The following RAB38 variants were observed in gnomAD, a reference collection of about 807,000 sequenced individuals.
RAB38 encodes the protein ras-related protein Rab-38.
Under a neutral mutation model 18.4 loss-of-function variants are expected in RAB38, and 15 were observed. The observed-to-expected ratio is 0.82, with a 90% CI of 0.55 to 1.26. The LOEUF is 1.26. Among genes scored for constraint, RAB38 ranks in the 50% most tolerant of loss-of-function variants. The pLI is 0.00. For synonymous variants in RAB38, 101 were observed against 104.4 expected, an observed-to-expected ratio of 0.97 and a Z score of 0.20; for missense variants, 294 against 267.4, an observed-to-expected ratio of 1.10 and a Z score of -0.69.
chr11:88,029,723 C>T, the RAB38 span, among the ~76,000 whole-genome samples: 5 of 152,070 alleles, frequency 3.3e-5, no homozygotes, highest in African/African-American at 9.7e-5. Context: ...CACCCAGATT[C>T]ATAAAGCAAG....
the RAB38 span, among the ~76,000 whole-genome samples, chr11:88,067,596 G>A: frequency 4.7e-4 from 72 of 152,242 alleles, no homozygotes; most frequent in African/African-American, 1.7e-3. Context: ...TATCAGTGAT[G>A]TTATTTTTTC....
the RAB38 span, among the ~76,000 whole-genome samples, chr11:88,025,791 GTT>G: frequency 6.6e-6 from 1 of 152,044 alleles, no homozygotes; most frequent in Admixed American, 6.6e-5. Context: ...CAGATGCATA[GTT>G]TACTAATATT....
intron 1 of RAB38, among the ~76,000 whole-genome samples, chr11:88,153,765 A>G (rs953498182): frequency 2.0e-5 from 3 of 152,204 alleles, no homozygotes; most frequent in Non-Finnish European, 2.9e-5. Flanking sequence ...TGTATTTTTA[A>G]GCCATCTCTA....
the RAB38 span, among the ~76,000 whole-genome samples, chr11:88,099,106 C>A: frequency 1.3e-5 from 2 of 151,826 alleles, no homozygotes; most frequent in Non-Finnish European, 2.9e-5. Flanking sequence ...TTAATCATTT[C>A]TGTTTGTTTT....
At chr11:88,029,240 T>G in the RAB38 span, among the ~76,000 whole-genome samples, 11 of 151,988 alleles carry the variant, frequency 7.2e-5, no homozygotes, top group African/African-American at 1.4e-4. Context: ...TGCTAAACAT[T>G]GAAAGGAACA....
the RAB38 span, among the ~76,000 whole-genome samples, chr11:87,856,502 T>A: frequency 1.1e-4 from 17 of 152,302 alleles, 1 homozygote; most frequent in Middle Eastern, 0.01. Flanking sequence ...CAACCCTACT[T>A]ATCTCAATAC....
chr11:88,145,019 A>C (rs560891115), intron 2 of RAB38, among the ~76,000 whole-genome samples: 2 of 152,324 alleles, frequency 1.3e-5, no homozygotes, highest in South Asian at 4.1e-4. Flanking sequence ...TGTTGTGTGC[A>C]TCACGGCTAG....
At chr11:87,965,251 T>C in the RAB38 span, among the ~76,000 whole-genome samples, 1 of 151,590 alleles carries the variant, frequency 6.6e-6, no homozygotes, top group Non-Finnish European at 1.5e-5. Context: ...ATTAGTCAAT[T>C]TCAAGATCTC....
At chr11:88,159,518 A>T (rs1296914413) in intron 1 of RAB38, among the ~76,000 whole-genome samples, 1 of 152,028 alleles carries the variant, frequency 6.6e-6, no homozygotes, top group Non-Finnish European at 1.5e-5. Flanking sequence ...AAAAAGACCA[A>T]TAGCCAAAGT....
chr11:87,843,507 T>A, the RAB38 span, among the ~76,000 whole-genome samples: 1 of 152,198 alleles, frequency 6.6e-6, no homozygotes, highest in Admixed American at 6.5e-5. Flanking sequence ...GCCAGGGGGT[T>A]GCACCTTAAG....
chr11:87,960,627 C>T, the RAB38 span, among the ~76,000 whole-genome samples: 193 of 152,216 alleles, frequency 1.3e-3, no homozygotes, highest in African/African-American at 4.5e-3. Context: ...ATATCAGACG[C>T]CATCCTTGTT....
downstream of RAB38, among the ~76,000 whole-genome samples, chr11:88,110,813 CAAAAAAAAAA>C (rs10700245): frequency 8.7e-6 from 1 of 115,240 alleles, no homozygotes; most frequent in African/African-American, 3.1e-5. Flanking sequence ...GACTCCATCT[CAAAAAAAAAA>C]AAAAGAAAAA....
the RAB38 span, among the ~76,000 whole-genome samples, chr11:87,851,779 G>C: frequency 0.02 from 3,111 of 152,200 alleles, 100 homozygotes; most frequent in African/African-American, 0.071. Flanking sequence ...CTGCTACCTG[G>C]AAGTGGTTGG....
chr11:87,897,468 T>G, the RAB38 span, among the ~76,000 whole-genome samples: 1 of 151,554 alleles, frequency 6.6e-6, no homozygotes, highest in Non-Finnish European at 1.5e-5. Context: ...AACCTAAAGG[T>G]CTTGAAGTTA....
At chr11:88,124,372 C>G (rs898742329) in intron 2 of RAB38, among the ~76,000 whole-genome samples, 1 of 152,180 alleles carries the variant, frequency 6.6e-6, no homozygotes, top group Admixed American at 6.5e-5. Context: ...GCAATCTACT[C>G]TTCTGACAAA....
chr11:88,021,853 CA>C, the RAB38 span, among the ~76,000 whole-genome samples: 12 of 120,398 alleles, frequency 1.0e-4, no homozygotes, highest in South Asian at 3.2e-4. Flanking sequence ...AACTCCATCT[CA>C]AAAAAAAAAA....
At chr11:88,173,727 G>A (rs909224635) in intron 1 of RAB38, 8 of 985,266 alleles carry the variant, frequency 8.1e-6, no homozygotes, top group Non-Finnish European at 9.6e-6. Context: ...TTTTTTAGAT[G>A]AAAAGCCCCA....
chr11:87,837,069 CAG>C, the RAB38 span, among the ~76,000 whole-genome samples: 1 of 152,262 alleles, frequency 6.6e-6, no homozygotes, highest in Admixed American at 6.5e-5. Context: ...TGCAGAATAA[CAG>C]AGTTAAGTTT....
chr11:87,842,456 T>C, the RAB38 span, among the ~76,000 whole-genome samples: 3 of 152,204 alleles, frequency 2.0e-5, no homozygotes, highest in African/African-American at 7.2e-5. Context: ...ATCAAAAGCC[T>C]GAAGGTGCCT....
Sources: allele counts gnomAD v4.1 joint callset (sites outside exome capture counted in the v4.1 genomes callset), GRCh38; gene constraint gnomAD v4.1.1; transcripts MANE v1.5; gene names NCBI Gene and HGNC (gene_info 2026-07-23, HGNC 2026-07-21).